Variants in PCSK5 observed in about 807,000 individuals in gnomAD.
The protein encoded by PCSK5 is proprotein convertase subtilisin/kexin type 5.
Under a neutral mutation model 233.2 loss-of-function variants are expected in PCSK5, and 129 were observed. That is an observed-to-expected ratio of 0.55 (90% confidence interval 0.48 to 0.64). The LOEUF is 0.64. Ranked by LOEUF, PCSK5 falls within the 30% of genes least tolerant of loss-of-function variation. PCSK5 has a pLI of 0.00. For synonymous variants in PCSK5, 825 were observed against 879.2 expected (o/e 0.94, Z 1.09); for missense variants, 2,076 against 2,430.1 (o/e 0.85, Z 3.06).
At chr9:75,999,662 G>A (rs542728814) in intron 3 of PCSK5, among the ~76,000 whole-genome samples, 1 of 152,300 alleles carries the variant, frequency 6.6e-6, no homozygotes, top group South Asian at 2.1e-4. Flanking sequence ...CCTCATTCCC[G>A]TAAATCCACA....
At chr9:76,042,222 A>G (rs562593490) in intron 5 of PCSK5, among the ~76,000 whole-genome samples, 246 of 152,386 alleles carry the variant, frequency 1.6e-3, no homozygotes, top group Non-Finnish European at 3.0e-3. Flanking sequence ...TTATGGATAA[A>G]AAACCTAAAA....
chr9:76,339,833 G>A (rs996296535), intron 35 of PCSK5, among the ~76,000 whole-genome samples: 6 of 152,016 alleles, frequency 3.9e-5, no homozygotes, highest in Admixed American at 2.0e-4. Flanking sequence ...GTGAGCCACC[G>A]CACCCGGCCA....
intron 20 of PCSK5, among the ~76,000 whole-genome samples, chr9:76,215,648 G>A (rs960061886): frequency 2.0e-5 from 3 of 152,176 alleles, no homozygotes; most frequent in African/African-American, 7.2e-5. Flanking sequence ...GAGGCCAGGT[G>A]TGGTGGCTCA....
intron 20 of PCSK5, among the ~76,000 whole-genome samples, chr9:76,209,211 C>T (rs1002310792): frequency 6.6e-6 from 1 of 152,190 alleles, no homozygotes; most frequent in Non-Finnish European, 1.5e-5. Context: ...ACTTTCAGAA[C>T]AACTCCAGCG....
At chr9:76,198,898 C>G (rs1824802333) in intron 20 of PCSK5, among the ~76,000 whole-genome samples, 1 of 152,190 alleles carries the variant, frequency 6.6e-6, no homozygotes, top group African/African-American at 2.4e-5. Context: ...TAATCACGTG[C>G]TAAGGTTCCA....
chr9:76,195,736 C>A (rs1824668094), intron 20 of PCSK5: 2 of 152,118 alleles, frequency 1.3e-5, no homozygotes, highest in South Asian at 4.1e-4. Context: ...ATTGTTAAAT[C>A]CAAATCCACT....
At chr9:76,322,134 G>A (rs1388806830) in intron 31 of PCSK5, among the ~76,000 whole-genome samples, 1 of 152,104 alleles carries the variant, frequency 6.6e-6, no homozygotes, top group Non-Finnish European at 1.5e-5. Flanking sequence ...ATTTTTAGTA[G>A]AGACGAGGTT....
intron 20 of PCSK5, among the ~76,000 whole-genome samples, chr9:76,212,368 G>C (rs1038528218): frequency 6.6e-6 from 1 of 152,216 alleles, no homozygotes; most frequent in African/African-American, 2.4e-5. Flanking sequence ...TAGCAGGAGA[G>C]ATAACAAGAG....
intron 24 of PCSK5, among the ~76,000 whole-genome samples, chr9:76,273,034 C>A (rs1429260858): frequency 6.6e-6 from 1 of 152,066 alleles, no homozygotes; most frequent in African/African-American, 2.4e-5. Flanking sequence ...GGTCTTGTCA[C>A]TCATTCTACA....
At chr9:75,934,664 C>T (rs1587384206) in intron 2 of PCSK5, among the ~76,000 whole-genome samples, 1 of 151,994 alleles carries the variant, frequency 6.6e-6, no homozygotes, top group East Asian at 1.9e-4. Flanking sequence ...TCACTACAAC[C>T]TCCAACTCCC....
chr9:75,994,463 C>T (rs369221016), intron 3 of PCSK5, among the ~76,000 whole-genome samples: 125 of 124,406 alleles, frequency 1.0e-3, no homozygotes, highest in African/African-American at 3.5e-3. Flanking sequence ...CTCACTCTGT[C>T]GCCCAGGCTG....
chr9:76,117,436 G>C (rs1832471761), intron 9 of PCSK5, among the ~76,000 whole-genome samples: 1 of 152,140 alleles, frequency 6.6e-6, no homozygotes, highest in Admixed American at 6.6e-5. Flanking sequence ...GGGAAAAGAA[G>C]TGGCAAGGCC....
At chr9:75,963,685 C>T (rs1376724908) in intron 2 of PCSK5, among the ~76,000 whole-genome samples, 1 of 152,190 alleles carries the variant, frequency 6.6e-6, no homozygotes, top group African/African-American at 2.4e-5. Context: ...TCGAGATCAG[C>T]CTGACCAACA....
At chr9:76,220,377 A>G (rs550446114) in intron 20 of PCSK5, among the ~76,000 whole-genome samples, 1 of 151,926 alleles carries the variant, frequency 6.6e-6, no homozygotes, top group Non-Finnish European at 1.5e-5. Context: ...AAATACAAAA[A>G]TCAGCTGGGC....
At chr9:76,142,900 G>A (rs1324896913) in intron 10 of PCSK5, among the ~76,000 whole-genome samples, 1 of 152,040 alleles carries the variant, frequency 6.6e-6, no homozygotes, top group African/African-American at 2.4e-5. Context: ...GATTTTAGTT[G>A]ATGGTTCTGG....
chr9:76,281,951 A>C (rs1341272249), intron 24 of PCSK5, among the ~76,000 whole-genome samples: 2 of 152,068 alleles, frequency 1.3e-5, no homozygotes, highest in African/African-American at 2.4e-5. Context: ...ACCTGGCCTA[A>C]GTCTTACTGA....
chr9:75,909,462 G>A (rs549042336), intron 1 of PCSK5, among the ~76,000 whole-genome samples: 14 of 152,228 alleles, frequency 9.2e-5, no homozygotes, highest in African/African-American at 1.7e-4. Context: ...TTGGGAGGCC[G>A]AGGCGGGCGA....
chr9:76,080,160 T>C (rs1316154791), intron 7 of PCSK5, among the ~76,000 whole-genome samples: 1 of 152,086 alleles, frequency 6.6e-6, no homozygotes, highest in Non-Finnish European at 1.5e-5. Flanking sequence ...TTCCATTATC[T>C]CTTGAAGGCA....
chr9:76,232,282 A>G (rs984897504), intron 21 of PCSK5, among the ~76,000 whole-genome samples: 4 of 152,252 alleles, frequency 2.6e-5, no homozygotes, highest in African/African-American at 7.2e-5. Context: ...TCGCAGGCCC[A>G]CTCAGATGTC....
Sources: allele counts gnomAD v4.1 joint callset (sites outside exome capture counted in the v4.1 genomes callset), GRCh38; gene constraint gnomAD v4.1.1; transcripts MANE v1.5; gene names NCBI Gene and HGNC (gene_info 2026-07-23, HGNC 2026-07-21).